PRKCH: variants seen among roughly 807,000 people sequenced by gnomAD.
PRKCH encodes protein kinase C eta type.
Under a neutral mutation model 82.5 loss-of-function variants are expected in PRKCH, and 28 were observed. The ratio of observed to expected loss-of-function variants is 0.34; its 90% CI spans 0.25 to 0.47. The LOEUF (loss-of-function observed/expected upper bound fraction) is 0.47. Ranked by LOEUF, PRKCH falls within the 20% of genes least tolerant of loss-of-function variation. PRKCH has a pLI of 1.00. For missense variants in PRKCH, 705 were observed against 881.8 expected (o/e 0.80, Z 2.54); for synonymous variants, 322 against 327.4 (o/e 0.98, Z 0.18).
chr14:61,495,985 A>T (rs1886652713), intron 10 of PRKCH, among the ~76,000 whole-genome samples: 1 of 152,238 alleles, frequency 6.6e-6, no homozygotes, highest in Non-Finnish European at 1.5e-5. Flanking sequence ...ATGAACAAAG[A>T]CCTAAGGATG....
chr14:61,281,088 C>G (rs747668958), intron 1 of PRKCH: 3 of 1,510,250 alleles, frequency 2.0e-6, no homozygotes, highest in Non-Finnish European at 2.6e-6. Context: ...GGAGGCGCTG[C>G]TGAGTGAAGG....
At chr14:61,236,710 C>CAAAA (rs35185475) in intron 1 of PRKCH, among the ~76,000 whole-genome samples, 13,660 of 87,210 alleles carry the variant, frequency 0.16, 1,117 homozygotes, top group African/African-American at 0.25. Flanking sequence ...TGTCTCAAAA[C>CAAAA]AAAAAAAAAA....
At chr14:61,438,877 T>C (rs1236331672) in intron 2 of PRKCH, among the ~76,000 whole-genome samples, 1 of 152,248 alleles carries the variant, frequency 6.6e-6, no homozygotes, top group Non-Finnish European at 1.5e-5. Context: ...ATCTTCATTA[T>C]ATTTGACATA....
chr14:61,262,563 A>G (rs777753517), intron 1 of PRKCH, among the ~76,000 whole-genome samples: 7 of 152,184 alleles, frequency 4.6e-5, no homozygotes, highest in Admixed American at 3.9e-4. Flanking sequence ...AAGGGGCACA[A>G]AGAAACTTTT....
chr14:61,508,324 CA>C (rs1011535801), intron 10 of PRKCH, among the ~76,000 whole-genome samples: 4 of 152,124 alleles, frequency 2.6e-5, no homozygotes, highest in African/African-American at 9.7e-5. Context: ...TCAGAAGTAT[CA>C]AAGGGGAGGG....
At chr14:61,494,376 A>G (rs1886575657) in intron 10 of PRKCH, among the ~76,000 whole-genome samples, 1 of 152,248 alleles carries the variant, frequency 6.6e-6, no homozygotes, top group African/African-American at 2.4e-5. Context: ...TAAAAATATA[A>G]TTCCATAAAA....
intron 1 of PRKCH, among the ~76,000 whole-genome samples, chr14:61,207,607 A>G (rs947021909): frequency 6.6e-6 from 1 of 152,118 alleles, no homozygotes; most frequent in Non-Finnish European, 1.5e-5. Context: ...TTAACATAAT[A>G]ATTATGGATC....
At chr14:61,541,719 G>A (rs1202101000) in intron 12 of PRKCH, among the ~76,000 whole-genome samples, 1 of 152,170 alleles carries the variant, frequency 6.6e-6, no homozygotes, top group Non-Finnish European at 1.5e-5. Context: ...GACAGATTTT[G>A]AAAGAGGAAA....
At chr14:61,446,289 T>C (rs1405042553) in intron 4 of PRKCH, among the ~76,000 whole-genome samples, 2 of 152,352 alleles carry the variant, frequency 1.3e-5, no homozygotes, top group East Asian at 1.9e-4. Context: ...TACTAGTGTT[T>C]CTAGCATAAT....
At chr14:61,228,353 G>T (rs141749904) in intron 1 of PRKCH, among the ~76,000 whole-genome samples, 2 of 152,162 alleles carry the variant, frequency 1.3e-5, no homozygotes, top group Non-Finnish European at 2.9e-5. Context: ...AATGTGTTGC[G>T]CTCTGTTTAT....
At chr14:61,472,931 T>C (rs1885568455) in intron 9 of PRKCH, among the ~76,000 whole-genome samples, 1 of 152,150 alleles carries the variant, frequency 6.6e-6, no homozygotes. Context: ...AAGAACAAAA[T>C]GTGGACCTGC....
intron 1 of PRKCH, among the ~76,000 whole-genome samples, chr14:61,308,297 C>T (rs756889758): frequency 2.7e-4 from 41 of 152,324 alleles, no homozygotes; most frequent in Admixed American, 6.5e-4. Flanking sequence ...TGCCTGCCAC[C>T]AGTTATCTAA....
intron 9 of PRKCH, among the ~76,000 whole-genome samples, chr14:61,482,875 T>G (rs1886045499): frequency 6.6e-6 from 1 of 152,210 alleles, no homozygotes; most frequent in Non-Finnish European, 1.5e-5. Flanking sequence ...TAGCCCACAG[T>G]CTGGCTTTTA....
chr14:61,343,654 A>G (rs1254787465), intron 1 of PRKCH, among the ~76,000 whole-genome samples: 1 of 152,230 alleles, frequency 6.6e-6, no homozygotes, highest in African/African-American at 2.4e-5. Context: ...ATTTTGAGTA[A>G]TAATTGATTG....
chr14:61,334,040 C>T (rs1337617704), intron 1 of PRKCH, among the ~76,000 whole-genome samples: 1 of 152,140 alleles, frequency 6.6e-6, no homozygotes, highest in Non-Finnish European at 1.5e-5. Context: ...TTGGTGGAAA[C>T]TGAGCTGAAT....
Position 61,511,569 on chromosome 14 carries a change from A to G in PRKCH, c.1434-17506A>G, listed in dbSNP as rs542288323. On this transcript the variant is annotated intron_variant, in intron 10 of 13. Coordinates refer to ENST00000332981, the MANE Select transcript of PRKCH (RefSeq NM_006255.5). ...AGAAAGAAAAGGCATCCCCAGAGCT[A>G]TAGCTTGGAGGCTTGGCTCCTTTAT... Among the ~76,000 whole-genome samples, 25 of 152,328 alleles carry G rather than the reference A, an allele frequency of 1.6e-4. No individual in the cohort carries two copies. The East Asian group carries it at 4.8e-3, about 29-fold the overall frequency.
intron 1 of PRKCH, among the ~76,000 whole-genome samples, chr14:61,213,449 A>G (rs1006526286): frequency 6.6e-6 from 1 of 152,344 alleles, no homozygotes; most frequent in Middle Eastern, 3.4e-3. Flanking sequence ...CTGAGTCTAA[A>G]TTTGGACCCA....
intron 1 of PRKCH, among the ~76,000 whole-genome samples, chr14:61,291,536 G>T (rs1232350452): frequency 6.6e-6 from 1 of 152,020 alleles, no homozygotes; most frequent in Non-Finnish European, 1.5e-5. Flanking sequence ...CACCATGTTG[G>T]CCAGGATGGT....
chr14:61,462,809 C>T (rs1885087662), intron 9 of PRKCH, among the ~76,000 whole-genome samples: 1 of 152,168 alleles, frequency 6.6e-6, no homozygotes, highest in Non-Finnish European at 1.5e-5. Context: ...TTGTGAGGGC[C>T]TTTGTAAAAA....
Sources: allele counts gnomAD v4.1 joint callset (sites outside exome capture counted in the v4.1 genomes callset), GRCh38; gene constraint gnomAD v4.1.1; transcripts MANE v1.5; gene names NCBI Gene and HGNC (gene_info 2026-07-23, HGNC 2026-07-21).